The following RAP1GAP variants were observed in gnomAD, a reference collection of about 807,000 sequenced individuals.
RAP1GAP encodes rap1 GTPase-activating protein 1.
A neutral mutation model predicts 87.2 loss-of-function variants in RAP1GAP; 35 were observed. That is an observed-to-expected ratio of 0.40 (90% CI 0.31 to 0.53). RAP1GAP has a LOEUF of 0.53. Among genes scored for constraint, RAP1GAP ranks in the 20% least tolerant of loss-of-function variants. The probability of loss-of-function intolerance (pLI) is 0.48; values close to 1 mark genes in which losing one functional copy is unlikely to be tolerated. For synonymous variants in RAP1GAP, 375 were observed against 363.9 expected (o/e 1.03, Z -0.35); for missense variants, 734 against 898.9 (o/e 0.82, Z 2.35).
At chr1:21,626,218 G>T in intron 3 of RAP1GAP, 86 bp downstream of exon 3, 1 of 1,242,402 alleles carries the variant, frequency 8.0e-7, no homozygotes, top group Non-Finnish European at 1.2e-6. Context: ...TTGCCCAAAA[G>T]TCATTCTTGG....
rs747564731 is a variant in RAP1GAP at position 21,611,563 on chromosome 1, G to A, written c.732C>T (p.Asp244=). Residue 244 remains aspartate (D), a synonymous_variant, in exon 13 of 25, where the codon GAC becomes GAT. Transcript: ENST00000374765. The part of the protein sequence containing the change: ...QDFKGFRGGL[D]VTHGQTGTES... ...CGGTCCCCGTCTGCCCGTGGGTCAC[G>A]TCCAGGCCTCCTCGGAACCTGCCCC... The A allele has an allele frequency of 2.6e-5, 42 of 1,614,042 alleles. No homozygotes were observed. Among genetic ancestry groups the A allele is most frequent in the South Asian group, 1.3e-4 (12 of 91,092 alleles).
chr1:21,638,998 G>C (rs1409366990), intron 2 of RAP1GAP, among the ~76,000 whole-genome samples: 2 of 152,246 alleles, frequency 1.3e-5, no homozygotes, highest in Admixed American at 6.5e-5. Context: ...TGCTCCGAGG[G>C]TCAGGGAAGA....
At chr1:21,611,415 G>A (rs765926727) in intron 13 of RAP1GAP, 37 bp downstream of exon 13, 3 of 1,591,956 alleles carry the variant, frequency 1.9e-6, no homozygotes, top group Non-Finnish European at 2.6e-6. Flanking sequence ...GGGAGGACAG[G>A]TGGAAGACAG....
rs570832354 is a variant in RAP1GAP at position 21,609,081 on chromosome 1, G to A, written c.1072-145C>T. ...GGTCACCCTCTTCACTCCCAAAAGG[G>A]TATCTCCCTGGGCTCAGCTCCCCAG... On this transcript the variant is annotated intron_variant, in intron 15 of 24. Transcript: ENST00000374765. This position sits in a 1 kb window ranked among gnomAD's most constrained non-coding sequence, Gnocchi z 4.4. 1 of 710,202 alleles carries A rather than the reference G, an allele frequency of 1.4e-6. No homozygotes were observed. Among genetic ancestry groups the A allele is most frequent in the Non-Finnish European group, 2.4e-6 (1 of 411,152 alleles). The allele number at this position is 710,202 out of a possible 1,614,324, so 44.0% of individuals were successfully genotyped here. A position where few individuals can be genotyped will look rare whatever the true frequency, so the allele number is the denominator to read the frequency against.
At chr1:21,657,041 G>T (rs1363699473) in intron 1 of RAP1GAP, among the ~76,000 whole-genome samples, 1 of 152,228 alleles carries the variant, frequency 6.6e-6, no homozygotes, top group Non-Finnish European at 1.5e-5. Flanking sequence ...GACAGACAAG[G>T]TCTCTGGTAG....
intron 1 of RAP1GAP, among the ~76,000 whole-genome samples, chr1:21,650,676 G>C (rs2096495206): frequency 6.6e-6 from 1 of 152,228 alleles, no homozygotes; most frequent in Non-Finnish European, 1.5e-5. Context: ...TGAGGTCAGA[G>C]AAGCCAGGAC....
At chr1:21,612,532 G>T (rs2079039310) in intron 10 of RAP1GAP, among the ~76,000 whole-genome samples, 1 of 152,190 alleles carries the variant, frequency 6.6e-6, no homozygotes, top group Non-Finnish European at 1.5e-5. Flanking sequence ...CATTGAGCAA[G>T]TTCTCCTCCT....
chr1:21,622,304 G>C lies in RAP1GAP; in HGVS notation c.-18-2254C>G. 1 of 502,252 alleles carries C rather than the reference G, an allele frequency of 2.0e-6. No individual in the cohort carries two copies. The allele number at this position is 502,252 out of a possible 1,614,324, so 31.1% of individuals were successfully genotyped here. On this transcript the variant is annotated intron_variant, in intron 3 of 24. Transcript: ENST00000374765. The surrounding 1 kb of genome is among the most constrained non-coding windows in gnomAD (Gnocchi z 5.7). ...GCAGTCGGGGTGACCCAGCCCCGGG[G>C]TCCCTCCGCCATGCCGCCCCGCCCG...
intron 1 of RAP1GAP, among the ~76,000 whole-genome samples, chr1:21,666,688 C>T (rs556013960): frequency 4.5e-4 from 69 of 152,256 alleles, no homozygotes; most frequent in African/African-American, 1.5e-3. Context: ...ACATCCCACA[C>T]GCAGGAAGCT....
intron 1 of RAP1GAP, chr1:21,651,835 G>T: frequency 8.4e-7 from 1 of 1,189,724 alleles, no homozygotes; most frequent in Non-Finnish European, 1.0e-6. Context: ...TGCCGCCGCC[G>T]CCGCCCGGCC....
chr1:21,602,268 T>C (rs1231704999), intron 19 of RAP1GAP, among the ~76,000 whole-genome samples: 1 of 152,184 alleles, frequency 6.6e-6, no homozygotes, highest in Non-Finnish European at 1.5e-5. Flanking sequence ...CTTGTCCCTT[T>C]TCCAGGTTGG....
intron 1 of RAP1GAP, among the ~76,000 whole-genome samples, chr1:21,667,182 GC>G (rs1418170544): frequency 6.6e-6 from 1 of 152,236 alleles, no homozygotes; most frequent in Non-Finnish European, 1.5e-5. Flanking sequence ...GGACAGATCT[GC>G]CCGAGGAGTC....
chr1:21,622,271 G>A lies in RAP1GAP; in HGVS notation c.-18-2221C>T. Reference sequence around the variant, plus strand: ...CCCTGGCTGGGGCAGAGCCGGCCGGGCTCCCCAGCAGTCGGGGTGACCCAG... The same window carrying A: ...CCCTGGCTGGGGCAGAGCCGGCCGGACTCCCCAGCAGTCGGGGTGACCCAG... On this transcript the variant is annotated intron_variant, in intron 3 of 24. Coordinates refer to ENST00000374765, the MANE Select transcript of RAP1GAP (RefSeq NM_002885.4). This position sits in a 1 kb window ranked among gnomAD's most constrained non-coding sequence, Gnocchi z 5.7. The A allele has an allele frequency of 4.4e-6, 2 of 450,766 alleles. No homozygotes were observed. The highest frequency in any genetic ancestry group is 7.9e-6 in the Non-Finnish European group (2 of 253,146). The allele number at this position is 450,766 out of a possible 1,614,324, so 27.9% of individuals were successfully genotyped here.
intron 6 of RAP1GAP, 123 bp from the exon 7 acceptor site, chr1:21,617,614 GA>G: frequency 2.6e-6 from 3 of 1,149,422 alleles, no homozygotes; most frequent in Non-Finnish European, 3.6e-6. Flanking sequence ...GGACAGGCCA[GA>G]GCCTGTGTGG....
At chr1:21,651,657 C>T (rs772967419) in intron 1 of RAP1GAP, 5 of 1,030,296 alleles carry the variant, frequency 4.9e-6, no homozygotes, top group Non-Finnish European at 7.3e-6. Context: ...CGCTCAGCCC[C>T]CACAGCAGTC....
In RAP1GAP at chr1:21,634,837, AC is replaced by A; in HGVS notation, c.-112-8441del. 3 of 369,266 alleles carry A rather than the reference AC, an allele frequency of 8.1e-6. No individual in the cohort carries two copies. The highest frequency in any genetic ancestry group is 5.9e-5 in the South Asian group (3 of 50,618). The allele number at this position is 369,266 out of a possible 1,614,324, so 22.9% of individuals were successfully genotyped here. A position where few individuals can be genotyped will look rare whatever the true frequency, so the allele number is the denominator to read the frequency against. On this transcript the variant is annotated intron_variant, in intron 2 of 24. Coordinates refer to ENST00000374765, the MANE Select transcript of RAP1GAP (RefSeq NM_002885.4). This position sits in a 1 kb window ranked among gnomAD's most constrained non-coding sequence, Gnocchi z 4.1. ...CTGTGGCCAAAACCTGACCCTTCCC[AC>A]CCCACCGAGGACTTCAGTGTGGACT...
chr1:21,633,746 C>T (rs781490416), intron 2 of RAP1GAP, among the ~76,000 whole-genome samples: 13 of 152,106 alleles, frequency 8.5e-5, no homozygotes, highest in African/African-American at 2.4e-4. Context: ...TGAGGGGTTC[C>T]GGCCAGTCCA....
At chr1:21,599,029 CGA>C (rs2066035954) in intron 21 of RAP1GAP, among the ~76,000 whole-genome samples, 1 of 152,220 alleles carries the variant, frequency 6.6e-6, no homozygotes, top group South Asian at 2.1e-4. Flanking sequence ...TAACCTACCC[CGA>C]GATTAGGAAA....
At chr1:21,629,792 C>T (rs1177052003) in intron 2 of RAP1GAP, among the ~76,000 whole-genome samples, 1 of 152,186 alleles carries the variant, frequency 6.6e-6, no homozygotes, top group East Asian at 1.9e-4. Flanking sequence ...GCTTTCCACA[C>T]GAAGCTCAGA....
Sources: allele counts gnomAD v4.1 joint callset (sites outside exome capture counted in the v4.1 genomes callset), GRCh38; gene constraint gnomAD v4.1.1; non-coding constraint Gnocchi (gnomAD v3.1); transcripts MANE v1.5; gene names NCBI Gene and HGNC (gene_info 2026-07-23, HGNC 2026-07-21).